Variants in SUSD3 observed in about 807,000 individuals in gnomAD.
SUSD3 encodes sushi domain-containing protein 3.
SUSD3 carries 18 observed loss-of-function variants against 20.6 expected under a neutral mutation model. The ratio of observed to expected loss-of-function variants is 0.87; its 90% confidence interval spans 0.60 to 1.30. SUSD3 has a LOEUF of 1.30. SUSD3 is among the 50% of genes most tolerant of loss of function. The pLI, the probability that SUSD3 is intolerant of heterozygous loss-of-function variation, is 0.00. For synonymous variants in SUSD3, 137 were observed against 141.5 expected (o/e 0.97, Z 0.23); for missense variants, 306 against 346.9 (o/e 0.88, Z 0.94).
rs897522532 is a variant in SUSD3, at chr9:93,058,904, G to A, written c.88+74G>A. On this transcript the variant is annotated intron_variant, in intron 1 of 4. Transcript: ENST00000375472. ...ACAGACGGGAAAGCCGAGGGGAGGG[G>A]GTCGCGGGGCCGCACAGCCGTGGGT... The A allele has an allele frequency of 5.3e-6, 5 of 944,680 alleles. No homozygotes were observed. In the African/African-American group the frequency reaches 8.5e-5, roughly 16 times the overall value. 58.5% of individuals were successfully genotyped at this position (944,680 alleles called of 1,614,324 possible).
chr9:93,072,539 G>A (rs1000783370), intron 1 of SUSD3, among the ~76,000 whole-genome samples: 4 of 152,168 alleles, frequency 2.6e-5, no homozygotes, highest in African/African-American at 7.2e-5. Flanking sequence ...ATTAATAGCC[G>A]TGGCACACAT....
chr9:93,071,338 A>T (rs1394229849), intron 1 of SUSD3, among the ~76,000 whole-genome samples: 1 of 152,256 alleles, frequency 6.6e-6, no homozygotes, highest in Non-Finnish European at 1.5e-5. Flanking sequence ...AGTCTGTGGC[A>T]GAAGGCCCGA....
chr9:93,065,416 T>C (rs1825667485), intron 1 of SUSD3, among the ~76,000 whole-genome samples: 1 of 152,252 alleles, frequency 6.6e-6, no homozygotes, highest in Non-Finnish European at 1.5e-5. Flanking sequence ...TTGTGGGTGC[T>C]GGACACACTC....
intron 1 of SUSD3, 48 bp from the exon 2 acceptor site, chr9:93,075,736 G>GGGGGCCCCC: frequency 2.2e-5 from 6 of 272,388 alleles, no homozygotes; most frequent in East Asian, 7.3e-5. Flanking sequence ...TGCCCTGCGT[G>GGGGGCCCCC]CCCACCCCCC....
chr9:93,061,875 G>A (rs890183728), intron 1 of SUSD3, among the ~76,000 whole-genome samples: 15 of 152,196 alleles, frequency 9.9e-5, no homozygotes, highest in African/African-American at 2.4e-4. Context: ...ACTGGGTTCA[G>A]CAGCCTGCCT....
Position 93,079,890 on chromosome 9 carries a change from C to T in SUSD3, c.557+288C>T, listed in dbSNP as rs542215859. On this transcript the variant is annotated intron_variant, in intron 4 of 4. Coordinates refer to ENST00000375472, the MANE Select transcript of SUSD3 (RefSeq NM_145006.4). Reference sequence around the variant, plus strand: ...TACACACCTGTGTTCCCTCCACCTACACCCAGCAGGGCTCTGCACTGAGCT... The same window carrying T: ...TACACACCTGTGTTCCCTCCACCTATACCCAGCAGGGCTCTGCACTGAGCT... Among the ~76,000 whole-genome samples the T allele has an allele frequency of 2.1e-4, 32 of 152,352 alleles. No individual in the cohort carries two copies. The South Asian group carries it at 6.4e-3, about 31-fold the overall frequency.
At position 93,058,819 on chromosome 9, in the gene SUSD3, G is replaced by A. The variant is rs1825383888; in HGVS notation, c.77G>A (p.Gly26Glu). The A allele has an allele frequency of 1.1e-5, 14 of 1,258,534 alleles. No homozygotes were observed. The highest frequency in any genetic ancestry group is 1.4e-5 in the Non-Finnish European group (14 of 1,001,174). The allele number at this position is 1,258,534 out of a possible 1,614,324, so 78.0% of individuals were successfully genotyped here. The change falls in exon 1 of 5, where the codon GGG becomes GAG. Residue 26 changes from glycine to glutamate, a missense_variant. By Grantham distance (98) the Gly-to-Glu change is moderately conservative. Coordinates refer to ENST00000375472, the MANE Select transcript of SUSD3 (RefSeq NM_145006.4). ...GCCGGGGTCACCACGCCTGCCCCAG[G>A]GAACCGCACAGGTGAGGGCTGGGGC... Reference protein sequence around the residue: ...GRAGVTTPAPGNRTGTCAKLR... With the variant: ...GRAGVTTPAPENRTGTCAKLR...
At chr9:93,076,230 C>A (rs1399376822) in intron 2 of SUSD3, among the ~76,000 whole-genome samples, 2 of 152,254 alleles carry the variant, frequency 1.3e-5, no homozygotes, top group African/African-American at 4.8e-5. Flanking sequence ...CTGCTACCGA[C>A]TCAGCCCCTC....
intron 1 of SUSD3, among the ~76,000 whole-genome samples, chr9:93,073,630 G>A (rs1587909926): frequency 6.6e-6 from 1 of 152,174 alleles, no homozygotes; most frequent in African/African-American, 2.4e-5. Flanking sequence ...GCAGGAGGAA[G>A]AGCCTCCTGG....
chr9:93,063,977 C>T (rs940152787), intron 1 of SUSD3, among the ~76,000 whole-genome samples: 1 of 152,144 alleles, frequency 6.6e-6, no homozygotes, highest in Non-Finnish European at 1.5e-5. Flanking sequence ...TTTAATTTGA[C>T]GGCGCATCCC....
intron 3 of SUSD3, among the ~76,000 whole-genome samples, chr9:93,078,806 C>CTT (rs201477487): frequency 6.7e-6 from 1 of 148,168 alleles, no homozygotes; most frequent in Non-Finnish European, 1.5e-5. Flanking sequence ...AAAACTTAAC[C>CTT]TTTTTTTTTT....
chr9:93,076,321 ATTC>A (rs1826166398), intron 2 of SUSD3, among the ~76,000 whole-genome samples: 1 of 152,092 alleles, frequency 6.6e-6, no homozygotes, highest in African/African-American at 2.4e-5. Context: ...TCATTCATTC[ATTC>A]ATTCATTCAT....
chr9:93,059,529 AT>A (rs1380278909), intron 1 of SUSD3, among the ~76,000 whole-genome samples: 11 of 152,188 alleles, frequency 7.2e-5, no homozygotes, highest in Non-Finnish European at 4.4e-5. Context: ...TCCTTGAATG[AT>A]TCTAAAGTCT....
chr9:93,061,092 G>C lies in SUSD3; in HGVS notation c.88+2262G>C, dbSNP rs73514176. On this transcript the variant is annotated intron_variant, in intron 1 of 4. Transcript: ENST00000375472. The stretch of plus-strand genomic sequence containing the variant: ...TGTTGTATGACTGGCCCCTGGCCCT[G>C]CTCCCAGGTCAGCCCCAGCACTCCC... Among the ~76,000 whole-genome samples, 490 of 152,326 alleles carry C rather than the reference G, an allele frequency of 3.2e-3. 2 individuals are homozygous for C. Among genetic ancestry groups the C allele is most frequent in the African/African-American group, 0.011 (470 of 41,576 alleles).
chr9:93,059,779 T>G (rs1026507383), intron 1 of SUSD3, among the ~76,000 whole-genome samples: 1 of 152,182 alleles, frequency 6.6e-6, no homozygotes, highest in African/African-American at 2.4e-5. Context: ...AATGGCTTCC[T>G]CTCACAGTTG....
chr9:93,077,290 T>C lies in SUSD3; in HGVS notation c.278-556T>C, dbSNP rs190332004. 8.3e-4 allele frequency among the ~76,000 whole-genome samples: 126 copies of C among 152,110 alleles called. 2 individuals carry two copies. The Middle Eastern group carries it at 0.01, about 12-fold the overall frequency. ...TGAAGAATGTTGCCACCTTGGGGCA[T>C]TGTGAAAACCCAGACCATGGGCTGG... On this transcript the variant is annotated intron_variant, in intron 2 of 4. Transcript: ENST00000375472.
At chr9:93,083,847 G>A (rs965826479) in intron 4 of SUSD3, among the ~76,000 whole-genome samples, 2 of 152,180 alleles carry the variant, frequency 1.3e-5, no homozygotes, top group African/African-American at 4.8e-5. Context: ...AGGTGATGCC[G>A]GAAGTGAAAG....
At chr9:93,060,605 C>A in intron 1 of SUSD3, among the ~76,000 whole-genome samples, 1 of 151,952 alleles carries the variant, frequency 6.6e-6, no homozygotes, top group South Asian at 2.1e-4. Flanking sequence ...CTGAGGTGGG[C>A]GGATTGCTTG....
In SUSD3 at chr9:93,058,772, C is replaced by A; in HGVS notation, c.30C>A (p.Gly10=). Residue 10 remains glycine, a synonymous_variant, in exon 1 of 5, where the codon GGC becomes GGA. Transcript: ENST00000375472. Reference sequence around the variant, plus strand: ...GCTGGGCGGCCGCCACCCTCCGTGGCAAGGCGAGGCCCCGGGGGCGGGCCG... The same window carrying A: ...GCTGGGCGGCCGCCACCCTCCGTGGAAAGGCGAGGCCCCGGGGGCGGGCCG... MRWAAATLR[G]KARPRGRAGV... 8.1e-7 allele frequency: 1 copy of A among 1,237,434 alleles called. No homozygotes were observed. Among genetic ancestry groups the A allele is most frequent in the Non-Finnish European group, 1.0e-6 (1 of 990,566 alleles). 76.7% of individuals were successfully genotyped at this position (1,237,434 alleles called of 1,614,324 possible). A position where few individuals can be genotyped will look rare whatever the true frequency, so the allele number is the denominator to read the frequency against.
Sources: allele counts gnomAD v4.1 joint callset (sites outside exome capture counted in the v4.1 genomes callset), GRCh38; gene constraint gnomAD v4.1.1; transcripts MANE v1.5; gene names NCBI Gene and HGNC (gene_info 2026-07-23, HGNC 2026-07-21).